The following GBE1 variants were observed in gnomAD, a reference collection of about 807,000 sequenced individuals.
The protein encoded by GBE1 is 1,4-alpha-glucan branching enzyme 1.
A neutral mutation model predicts 88.8 loss-of-function variants in GBE1; 70 were observed. The observed-to-expected ratio is 0.79, with a 90% CI of 0.65 to 0.96. GBE1 has a LOEUF of 0.96. Among genes scored for constraint, GBE1 ranks in the 40% least tolerant of loss-of-function variants. GBE1 has a pLI of 0.00. For missense variants in GBE1, 872 were observed against 871.0 expected (o/e 1.00, Z -0.01); for synonymous variants, 284 against 300.1 (o/e 0.95, Z 0.56).
intron 10 of GBE1, 125 bp from the exon 11 acceptor site, chr3:81,581,400 T>G: frequency 1.7e-6 from 1 of 591,856 alleles, no homozygotes; most frequent in Non-Finnish European, 2.9e-6. Context: ...AGTCCACCCA[T>G]ATAGCAAAGT....
At chr3:81,522,374 A>G (rs1258706480) in intron 14 of GBE1, among the ~76,000 whole-genome samples, 1 of 151,510 alleles carries the variant, frequency 6.6e-6, no homozygotes, top group East Asian at 1.9e-4. Context: ...TTTGTAAGAA[A>G]TTTCTAGATG....
At chr3:81,639,706 G>A (rs916845995) in intron 7 of GBE1, among the ~76,000 whole-genome samples, 2 of 152,158 alleles carry the variant, frequency 1.3e-5, no homozygotes, top group Non-Finnish European at 2.9e-5. Context: ...TGCATATCCT[G>A]TCTTTTGGGA....
chr3:81,490,244 A>G lies in GBE1; in HGVS notation c.*163T>C. ...AACATATTCTCCCATCTACTTAAAT[A>G]AAAGTTTGCTGTATTTGCATAAACC... On this transcript the variant is annotated 3_prime_UTR_variant, in exon 16 of 16. Coordinates refer to ENST00000429644, the MANE Select transcript of GBE1 (RefSeq NM_000158.4). 1 of 615,660 alleles carries G rather than the reference A, an allele frequency of 1.6e-6. No individual in the cohort carries two copies. The highest frequency in any genetic ancestry group is 2.9e-6 in the Non-Finnish European group (1 of 348,774). 38.1% of individuals were successfully genotyped at this position (615,660 alleles called of 1,614,324 possible).
At chr3:81,511,474 A>G (rs1702724861) in intron 14 of GBE1, among the ~76,000 whole-genome samples, 1 of 151,982 alleles carries the variant, frequency 6.6e-6, no homozygotes, top group South Asian at 2.1e-4. Flanking sequence ...AAGGAACTTA[A>G]ACACTCAACA....
intron 2 of GBE1, among the ~76,000 whole-genome samples, chr3:81,684,372 CA>C (rs948298104): frequency 1.3e-5 from 2 of 152,170 alleles, no homozygotes; most frequent in Non-Finnish European, 2.9e-5. Context: ...AAACAAAAAA[CA>C]TTTATTTTTC....
At chr3:81,531,625 A>AGAGC (rs1203827730) in intron 14 of GBE1, among the ~76,000 whole-genome samples, 2 of 151,266 alleles carry the variant, frequency 1.3e-5, no homozygotes, top group East Asian at 2.0e-4. Flanking sequence ...ATGTCTTCTG[A>AGAGC]GAGCTGGAGC....
chr3:81,500,788 C>T (rs926923803), intron 14 of GBE1, among the ~76,000 whole-genome samples: 3 of 152,196 alleles, frequency 2.0e-5, no homozygotes, highest in Admixed American at 6.6e-5. Context: ...ACACGTTTGA[C>T]ACTGTATTTC....
Position 81,646,498 on chromosome 3 carries a change from G to A in GBE1, c.692-16C>T. On this transcript the variant is annotated splice_polypyrimidine_tract_variant and intron_variant, in intron 5 of 15. Coordinates refer to ENST00000429644, the MANE Select transcript of GBE1 (RefSeq NM_000158.4). ...CAGTTGTATCCTATATAAGGCAATG[G>A]TCAAATCTAAATTAAAAGCCACATT... The A allele has an allele frequency of 7.2e-7, 1 of 1,391,060 alleles. No individual in the cohort carries two copies. Among genetic ancestry groups the A allele is most frequent in the Non-Finnish European group, 9.9e-7 (1 of 1,011,656 alleles). The allele number at this position is 1,391,060 out of a possible 1,614,324, so 86.2% of individuals were successfully genotyped here. A position where few individuals can be genotyped will look rare whatever the true frequency, so the allele number is the denominator to read the frequency against.
chr3:81,702,846 A>T (rs1425479050), intron 2 of GBE1, among the ~76,000 whole-genome samples: 1 of 152,056 alleles, frequency 6.6e-6, no homozygotes, highest in Non-Finnish European at 1.5e-5. Context: ...AGAACATAAA[A>T]TTTTTAAATG....
chr3:81,570,742 T>C (rs867403478), intron 12 of GBE1, among the ~76,000 whole-genome samples: 2 of 152,324 alleles, frequency 1.3e-5, no homozygotes, highest in Middle Eastern at 6.8e-3. Context: ...TCATTGATCA[T>C]GTGTATACAG....
chr3:81,677,289 C>T (rs1705274710), intron 2 of GBE1, among the ~76,000 whole-genome samples: 1 of 152,138 alleles, frequency 6.6e-6, no homozygotes, highest in Non-Finnish European at 1.5e-5. Context: ...AGATGTCTGG[C>T]AAATGCAATA....
intron 1 of GBE1, among the ~76,000 whole-genome samples, chr3:81,727,296 A>G (rs925299098): frequency 2.6e-5 from 4 of 152,222 alleles, no homozygotes; most frequent in Admixed American, 1.3e-4. Context: ...ATTGAAGAAT[A>G]AACAAAAGAG....
intron 14 of GBE1, among the ~76,000 whole-genome samples, chr3:81,500,660 C>G (rs1036603283): frequency 8.5e-5 from 13 of 152,276 alleles, no homozygotes; most frequent in Middle Eastern, 3.4e-3. Flanking sequence ...TGTTAAGAAT[C>G]ACTGACTGGT....
At chr3:81,516,470 C>T (rs1187485191) in intron 14 of GBE1, among the ~76,000 whole-genome samples, 1 of 151,542 alleles carries the variant, frequency 6.6e-6, no homozygotes, top group African/African-American at 2.4e-5. Flanking sequence ...CACCCAAGAG[C>T]TCTGACTGAG....
At position 81,750,585 on chromosome 3, in the gene GBE1, ATACG is replaced by A. The variant is rs1179478247; in HGVS notation, c.143+10786_143+10789del. ...TATGTATATATATATACGTATATAT[ATACG>A]TATATATATATGTGTATATATATAT... is the stretch of plus-strand genomic sequence containing the variant. On this transcript the variant is annotated intron_variant, in intron 1 of 15. Transcript: ENST00000429644. Among the ~76,000 whole-genome samples the A allele has an allele frequency of 1.1e-4, 6 of 54,036 alleles. 2 individuals carry two copies. Among genetic ancestry groups the A allele is most frequent in the African/African-American group, 4.7e-4 (5 of 10,682 alleles). 35.4% of individuals were successfully genotyped at this position (54,036 alleles called of 152,430 possible).
At chr3:81,737,830 A>C (rs893512840) in intron 1 of GBE1, among the ~76,000 whole-genome samples, 27 of 152,132 alleles carry the variant, frequency 1.8e-4, no homozygotes, top group African/African-American at 3.9e-4. Flanking sequence ...TATACATGTG[A>C]CATGCTGGTG....
chr3:81,497,922 G>T (rs189826110), intron 15 of GBE1, among the ~76,000 whole-genome samples: 46 of 152,234 alleles, frequency 3.0e-4, no homozygotes, highest in African/African-American at 1.1e-3. Context: ...TGTTCTCACA[G>T]ACTACAGTAA....
chr3:81,581,232 A>C lies in GBE1; in HGVS notation c.1379T>G (p.Ile460Arg). Residue 460 changes from isoleucine to arginine, a missense_variant, in exon 11 of 16, where the codon ATA becomes AGA. Ile to Arg is a moderately conservative substitution (Grantham distance 97). Coordinates refer to ENST00000429644, the MANE Select transcript of GBE1 (RefSeq NM_000158.4). ...FKDEDWNMGDIVYTLTNRRYL... is the reference protein window; with the variant it reads ...FKDEDWNMGDRVYTLTNRRYL... ...GCGCCTGTTTGTGAGCGTGTATACT[A>C]TATCGCCCATGTTCCAGTCTTCATC... 1 of 1,603,632 alleles carries C rather than the reference A, an allele frequency of 6.2e-7. No homozygotes were observed. Among genetic ancestry groups the C allele is most frequent in the Non-Finnish European group, 8.5e-7 (1 of 1,175,956 alleles).
intron 12 of GBE1, among the ~76,000 whole-genome samples, chr3:81,559,995 CAA>C (rs916670062): frequency 6.6e-5 from 10 of 151,800 alleles, no homozygotes; most frequent in African/African-American, 2.4e-4. Context: ...AAGAAAGAAA[CAA>C]AGAGACAGAT....
Sources: allele counts gnomAD v4.1 joint callset (sites outside exome capture counted in the v4.1 genomes callset), GRCh38; gene constraint gnomAD v4.1.1; transcripts MANE v1.5; gene names NCBI Gene and HGNC (gene_info 2026-07-23, HGNC 2026-07-21).